The following UNC5B variants were observed in gnomAD, a reference collection of about 807,000 sequenced individuals.
UNC5B encodes unc-5 netrin receptor B.
In UNC5B, 56 loss-of-function variants were observed where a neutral mutation model predicts 103.7. The ratio of observed to expected loss-of-function variants is 0.54; its 90% CI spans 0.44 to 0.67. The LOEUF (loss-of-function observed/expected upper bound fraction) is 0.67, where lower values mean the gene tolerates loss of function less well. Ranked by LOEUF, UNC5B falls within the 30% of genes least tolerant of loss-of-function variation. The pLI, the probability that UNC5B is intolerant of heterozygous loss-of-function variation, is 0.00. For synonymous variants in UNC5B, 577 were observed against 542.0 expected (o/e 1.06, Z -0.90); for missense variants, 1,194 against 1,284.5 (o/e 0.93, Z 1.08).
At chr10:71,278,296 T>C (rs1198584342) in intron 1 of UNC5B, among the ~76,000 whole-genome samples, 2 of 152,228 alleles carry the variant, frequency 1.3e-5, no homozygotes, top group Non-Finnish European at 2.9e-5. Context: ...TGTTCATGCA[T>C]GTTTGTCTCA....
At chr10:71,272,947 T>C (rs1241423914) in intron 1 of UNC5B, among the ~76,000 whole-genome samples, 2 of 152,174 alleles carry the variant, frequency 1.3e-5, no homozygotes, top group African/African-American at 4.8e-5. Context: ...TGGAATGCAA[T>C]AGTGAGATCT....
chr10:71,287,867 C>A, intron 6 of UNC5B, 102 bp downstream of exon 6: 1 of 1,453,956 alleles, frequency 6.9e-7, no homozygotes, highest in Non-Finnish European at 9.2e-7. Context: ...GCATGGGGAG[C>A]AGAAGGTGCT....
At chr10:71,288,243 GTTTGTGCCTACGCTGTT>G (rs1845145319) in intron 6 of UNC5B, among the ~76,000 whole-genome samples, 1 of 152,214 alleles carries the variant, frequency 6.6e-6, no homozygotes, top group Non-Finnish European at 1.5e-5. Flanking sequence ...TGGGTTGTAT[GTTTGTGCCTACGCTGTT>G]TTTCTTTACC....
intron 1 of UNC5B, among the ~76,000 whole-genome samples, chr10:71,222,045 C>T (rs986569478): frequency 2.6e-5 from 4 of 152,054 alleles, no homozygotes; most frequent in Non-Finnish European, 5.9e-5. Context: ...TTGCGTGGAA[C>T]GAAGGGAAAT....
chr10:71,218,714 C>G (rs1843389603), intron 1 of UNC5B, among the ~76,000 whole-genome samples: 1 of 152,342 alleles, frequency 6.6e-6, no homozygotes, highest in South Asian at 2.1e-4. Context: ...CTCCCAGCTT[C>G]CCCAGAGCAT....
Position 71,213,048 on chromosome 10 carries a change from G to C in UNC5B, c.63G>C (p.Pro21=), listed in dbSNP as rs780007403. Residue 21 remains proline, a synonymous_variant, in exon 1 of 17, where the codon CCG becomes CCC. Transcript: ENST00000335350. The surrounding 1 kb of genome is among the most constrained non-coding windows in gnomAD (Gnocchi z 4.1). ...LLLALLLCWD[P]RLSQAGTDSG... ...TGGCACTGCTGCTCTGCTGGGACCC[G>C]AGGCTGAGCCAAGCAGGTAGGAAGC... 12 of 1,405,988 alleles carry C rather than the reference G, an allele frequency of 8.5e-6. No individual in the cohort carries two copies. The African/African-American group carries it at 1.0e-4, about 12-fold the overall frequency. 87.1% of individuals were successfully genotyped at this position (1,405,988 alleles called of 1,614,324 possible).
intron 1 of UNC5B, among the ~76,000 whole-genome samples, chr10:71,255,766 CAG>C (rs1318929676): frequency 6.6e-6 from 1 of 152,260 alleles, no homozygotes; most frequent in Non-Finnish European, 1.5e-5. Context: ...CCTTTCCAAA[CAG>C]TGGCTCTGGA....
At chr10:71,218,643 C>T (rs1843387657) in intron 1 of UNC5B, among the ~76,000 whole-genome samples, 1 of 152,356 alleles carries the variant, frequency 6.6e-6, no homozygotes, top group East Asian at 1.9e-4. Context: ...GCCAGCCCAG[C>T]AGCTTGGGCT....
At chr10:71,266,753 C>G (rs1564723417) in intron 1 of UNC5B, among the ~76,000 whole-genome samples, 1 of 152,190 alleles carries the variant, frequency 6.6e-6, no homozygotes, top group African/African-American at 2.4e-5. Context: ...CAATATTCCC[C>G]CCTTACTCGA....
chr10:71,262,567 A>G (rs1844438031), intron 1 of UNC5B, among the ~76,000 whole-genome samples: 1 of 152,140 alleles, frequency 6.6e-6, no homozygotes, highest in Non-Finnish European at 1.5e-5. Flanking sequence ...TTAAGCATCT[A>G]CTGTGTGCCA....
chr10:71,252,874 G>T (rs191566542), intron 1 of UNC5B, among the ~76,000 whole-genome samples: 1 of 152,230 alleles, frequency 6.6e-6, no homozygotes, highest in East Asian at 1.9e-4. Context: ...GTCTGTTCGG[G>T]TCTCCCCAGG....
In UNC5B at chr10:71,296,051, T is replaced by A. The variant is rs562666789; in HGVS notation, c.2325+91T>A. The A allele has an allele frequency of 3.2e-6, 5 of 1,549,200 alleles. No individual in the cohort carries two copies. In the Admixed American group the frequency reaches 9.0e-5, roughly 28 times the overall value. On this transcript the variant is annotated intron_variant, in intron 14 of 16. Transcript: ENST00000335350. The stretch of plus-strand genomic sequence containing the variant: ...TCCCGGGCCCTGCCTCCTAGCTCTG[T>A]CCTGTGGCCTTACCCCTCCCTGGAT...
chr10:71,255,458 G>T (rs1018856637), intron 1 of UNC5B, among the ~76,000 whole-genome samples: 3 of 152,154 alleles, frequency 2.0e-5, no homozygotes, highest in Non-Finnish European at 4.4e-5. Context: ...AATGTCACCG[G>T]CTGTCACTGA....
At chr10:71,248,705 C>T (rs958814530) in intron 1 of UNC5B, among the ~76,000 whole-genome samples, 1 of 152,048 alleles carries the variant, frequency 6.6e-6, no homozygotes, top group Admixed American at 6.5e-5. Context: ...CAAAGTGGCT[C>T]CTAGGCATGC....
At chr10:71,242,525 C>G (rs1399194820) in intron 1 of UNC5B, among the ~76,000 whole-genome samples, 1 of 152,184 alleles carries the variant, frequency 6.6e-6, no homozygotes, top group Non-Finnish European at 1.5e-5. Context: ...TGTCCACCCT[C>G]TAGAGACATC....
intron 1 of UNC5B, among the ~76,000 whole-genome samples, chr10:71,227,677 CATATATAT>C (rs199549561): frequency 7.0e-6 from 1 of 143,416 alleles, no homozygotes; most frequent in African/African-American, 2.6e-5. Context: ...CACATATATA[CATATATAT>C]ACACATATAT....
chr10:71,219,538 C>T (rs1015793131), intron 1 of UNC5B, among the ~76,000 whole-genome samples: 2 of 152,176 alleles, frequency 1.3e-5, no homozygotes, highest in Non-Finnish European at 2.9e-5. Context: ...ATTGTGCCCA[C>T]CCAGATTAAG....
intron 1 of UNC5B, among the ~76,000 whole-genome samples, chr10:71,263,458 T>A (rs896259048): frequency 1.3e-5 from 2 of 152,168 alleles, no homozygotes; most frequent in Non-Finnish European, 2.9e-5. Flanking sequence ...GAGCTCGAGC[T>A]GAGAGCTCCA....
intron 1 of UNC5B, among the ~76,000 whole-genome samples, chr10:71,228,658 A>G (rs940616112): frequency 3.9e-5 from 6 of 152,250 alleles, no homozygotes; most frequent in Non-Finnish European, 8.8e-5. Context: ...ACTACAAGAT[A>G]CCATTTCTCA....
Sources: gnomAD v4.1 joint callset for allele counts (sites outside exome capture counted in the v4.1 genomes callset) on GRCh38, gnomAD v4.1.1 for gene constraint, Gnocchi (gnomAD v3.1) non-coding constraint, MANE v1.5 for transcripts, NCBI Gene and HGNC (gene_info 2026-07-23, HGNC 2026-07-21) for gene names.